Variants in TNPO3 observed in about 807,000 individuals in gnomAD.
The protein encoded by TNPO3 is transportin 3, also known as transportin-3.
A neutral mutation model predicts 122.8 loss-of-function variants in TNPO3; 65 were observed. That is an observed-to-expected ratio of 0.53 (90% CI 0.43 to 0.65). TNPO3 has a LOEUF of 0.65. Among genes scored for constraint, TNPO3 ranks in the 30% least tolerant of loss-of-function variants. The pLI is 0.00. For synonymous variants in TNPO3, 372 were observed against 411.2 expected (o/e 0.90, Z 1.15); for missense variants, 850 against 1,136.7 (o/e 0.75, Z 3.63).
chr7:128,970,011 C>G (rs146732941), intron 20 of TNPO3, 137 bp downstream of exon 20: 1 of 879,376 alleles, frequency 1.1e-6, no homozygotes, highest in Non-Finnish European at 1.8e-6. Context: ...ATCTACCAAT[C>G]TAATTTGGCA....
chr7:128,955,900 ATAAC>A (rs1009937503), intron 22 of TNPO3, among the ~76,000 whole-genome samples: 4 of 152,238 alleles, frequency 2.6e-5, no homozygotes, highest in African/African-American at 9.6e-5. Context: ...GGCTCCACGA[ATAAC>A]TGTCAGGCAA....
chr7:129,031,016 G>A (rs2150496341), intron 1 of TNPO3, among the ~76,000 whole-genome samples: 1 of 152,356 alleles, frequency 6.6e-6, no homozygotes, highest in Admixed American at 6.5e-5. Flanking sequence ...GGGTGCAGTG[G>A]CTCATGCCTG....
At chr7:128,994,815 G>C (rs545748077) in intron 8 of TNPO3, among the ~76,000 whole-genome samples, 1 of 151,826 alleles carries the variant, frequency 6.6e-6, no homozygotes, top group African/African-American at 2.4e-5. Flanking sequence ...GCACCACCAC[G>C]CTTGGCTAAT....
chr7:128,998,057 A>G (rs924382268), intron 7 of TNPO3, among the ~76,000 whole-genome samples: 7 of 146,492 alleles, frequency 4.8e-5, no homozygotes, highest in Non-Finnish European at 1.0e-4. Context: ...CATCTTGCTC[A>G]GGATGGTTTT....
chr7:129,045,413 TTGAGCCTGGGAGTTTAAGGCTGCAG>T (rs1227937405), intron 1 of TNPO3, among the ~76,000 whole-genome samples: 1 of 151,688 alleles, frequency 6.6e-6, no homozygotes, highest in African/African-American at 2.4e-5. Context: ...GCAAGATAGC[TTGAGCCTGGGAGTTTAAGGCTGCAG>T]TGAGCTATGA....
chr7:129,041,013 A>G (rs1807314277), intron 1 of TNPO3, among the ~76,000 whole-genome samples: 2 of 152,186 alleles, frequency 1.3e-5, no homozygotes, highest in Admixed American at 1.3e-4. Flanking sequence ...CATTGCCCAT[A>G]CTAAATGTTA....
rs748729015 is a variant in TNPO3 at position 128,967,379 on chromosome 7, C to A, written c.2612G>T (p.Trp871Leu). 6.2e-7 allele frequency: 1 copy of A among 1,612,670 alleles called. No homozygotes were observed. The highest frequency in any genetic ancestry group is 8.5e-7 in the Non-Finnish European group (1 of 1,178,846). Reference sequence around the variant, plus strand: ...CAAACCTTTTAAGGAATTTTCTAACCATCGACAAAAAGTCTGTATAGGAAA... The same window carrying A: ...CAAACCTTTTAAGGAATTTTCTAACAATCGACAAAAAGTCTGTATAGGAAA... ...MQVDRPTFCRWLENSLKGLPK... is the reference protein window; with the variant it reads ...MQVDRPTFCRLLENSLKGLPK... The change falls in exon 21 of 23, where the codon TGG becomes TTG. Residue 871 changes from tryptophan (W) to leucine (L), a missense_variant. By Grantham distance (61) the Trp-to-Leu change is moderately conservative. Coordinates refer to ENST00000265388, the MANE Select transcript of TNPO3 (RefSeq NM_012470.4).
intron 3 of TNPO3, 57 bp downstream of exon 3, chr7:129,016,926 C>G: frequency 6.7e-7 from 1 of 1,487,814 alleles, no homozygotes; most frequent in Non-Finnish European, 9.4e-7. Flanking sequence ...ACAAATTTCT[C>G]TGTGTAGGTT....
intron 22 of TNPO3, 38 bp downstream of exon 22, chr7:128,957,186 G>A (rs1481673947): frequency 1.4e-5 from 22 of 1,575,816 alleles, no homozygotes; most frequent in Admixed American, 3.3e-5. Context: ...CCAACAGTCC[G>A]ACAGTCCGGA....
At chr7:129,039,789 A>T (rs1003945052) in intron 1 of TNPO3, among the ~76,000 whole-genome samples, 2 of 152,200 alleles carry the variant, frequency 1.3e-5, no homozygotes, top group African/African-American at 4.8e-5. Context: ...GAACCTTGAA[A>T]ACATCATACT....
intron 1 of TNPO3, among the ~76,000 whole-genome samples, chr7:129,037,664 A>G (rs928181052): frequency 6.6e-6 from 1 of 152,144 alleles, no homozygotes; most frequent in Non-Finnish European, 1.5e-5. Flanking sequence ...AAAAGCACAA[A>G]AATCTCTGAC....
chr7:129,006,434 CTACTATAAA>C (rs1802580184), intron 4 of TNPO3, among the ~76,000 whole-genome samples: 1 of 152,114 alleles, frequency 6.6e-6, no homozygotes, highest in African/African-American at 2.4e-5. Context: ...GAAAGTGATA[CTACTATAAA>C]TACTATAAAA....
chr7:129,035,252 C>A (rs1369797297), intron 1 of TNPO3, among the ~76,000 whole-genome samples: 4 of 152,110 alleles, frequency 2.6e-5, no homozygotes, highest in Non-Finnish European at 5.9e-5. Context: ...CCGGCCTGGG[C>A]GAAAGAGCGA....
At chr7:128,987,388 G>A (rs1274610600) in intron 11 of TNPO3, among the ~76,000 whole-genome samples, 1 of 152,082 alleles carries the variant, frequency 6.6e-6, no homozygotes, top group Non-Finnish European at 1.5e-5. Context: ...AGTTACAAAA[G>A]GCCTTAAAAA....
chr7:128,969,221 T>C (rs1032269876), intron 20 of TNPO3, among the ~76,000 whole-genome samples: 8 of 152,238 alleles, frequency 5.3e-5, no homozygotes, highest in African/African-American at 7.2e-5. Flanking sequence ...TTAAGCAGAG[T>C]ATGAAGACTT....
chr7:128,980,126 C>T, intron 14 of TNPO3, 95 bp from the exon 15 acceptor site: 1 of 1,066,082 alleles, frequency 9.4e-7, no homozygotes, highest in Non-Finnish European at 1.5e-6. Flanking sequence ...GTATCATTTT[C>T]ACCAAATAAA....
intron 4 of TNPO3, among the ~76,000 whole-genome samples, chr7:129,011,932 T>C (rs1380388078): frequency 6.6e-6 from 1 of 152,094 alleles, no homozygotes; most frequent in Non-Finnish European, 1.5e-5. Flanking sequence ...TTAAAATAAA[T>C]GGCTAAGTGA....
intron 4 of TNPO3, among the ~76,000 whole-genome samples, chr7:129,013,398 T>C (rs1803446681): frequency 6.9e-6 from 1 of 145,946 alleles, no homozygotes; most frequent in Non-Finnish European, 1.5e-5. Flanking sequence ...CAACAAGAGA[T>C]TAGTAACCAC....
At chr7:128,980,853 C>G (rs1459548466) in intron 14 of TNPO3, among the ~76,000 whole-genome samples, 1 of 152,124 alleles carries the variant, frequency 6.6e-6, no homozygotes, top group Non-Finnish European at 1.5e-5. Flanking sequence ...AGACTAAAAG[C>G]TATAGGAACT....
Sources: gnomAD v4.1 joint callset for allele counts (sites outside exome capture counted in the v4.1 genomes callset) on GRCh38, gnomAD v4.1.1 for gene constraint, MANE v1.5 for transcripts, NCBI Gene and HGNC (gene_info 2026-07-23, HGNC 2026-07-21) for gene names.